Variants in MYOM1 observed in about 807,000 individuals in gnomAD.
The protein encoded by MYOM1 is myomesin 1, also known as myomesin-1.
MYOM1 carries 164 observed loss-of-function variants against 205.3 expected under a neutral mutation model. The observed-to-expected ratio is 0.80, with a 90% confidence interval of 0.70 to 0.91. The LOEUF (loss-of-function observed/expected upper bound fraction) is 0.91, where lower values mean the gene tolerates loss of function less well. Among genes scored for constraint, MYOM1 ranks in the 40% least tolerant of loss-of-function variants. The pLI is 0.00. For missense variants in MYOM1, 2,011 were observed against 2,127.3 expected (o/e 0.95, Z 1.08); for synonymous variants, 772 against 789.4 (o/e 0.98, Z 0.37).
intron 16 of MYOM1, among the ~76,000 whole-genome samples, chr18:3,132,646 T>A (rs1437533641): frequency 1.3e-5 from 2 of 152,142 alleles, no homozygotes; most frequent in Non-Finnish European, 2.9e-5. Flanking sequence ...TGGTGGCTCC[T>A]TGTCATAGAG....
intron 11 of MYOM1, 120 bp downstream of exon 11, chr18:3,154,827 A>C: frequency 9.3e-7 from 1 of 1,071,526 alleles, no homozygotes; most frequent in Middle Eastern, 2.1e-4. Context: ...AGATACAGAA[A>C]TAGAAAGAGG....
intron 14 of MYOM1, among the ~76,000 whole-genome samples, chr18:3,139,135 C>T (rs1490709131): frequency 6.6e-6 from 1 of 152,136 alleles, no homozygotes; most frequent in Non-Finnish European, 1.5e-5. Context: ...TAAAAATATA[C>T]AGGCATGATG....
the MYOM1 span, among the ~76,000 whole-genome samples, chr18:3,232,189 G>C: frequency 2.0e-5 from 3 of 151,878 alleles, no homozygotes; most frequent in Non-Finnish European, 4.4e-5. Flanking sequence ...AATTAGCGGG[G>C]TGTTGTGGCA....
intron 34 of MYOM1, among the ~76,000 whole-genome samples, chr18:3,077,187 T>A (rs73371155): frequency 0.036 from 5,422 of 151,562 alleles, 314 homozygotes; most frequent in African/African-American, 0.12. Context: ...TATTTTTACA[T>A]TTTTTTTATT....
Position 3,152,004 on chromosome 18 carries a change from C to A in MYOM1, c.1644-111G>T. 8.6e-7 allele frequency: 1 copy of A among 1,156,164 alleles called. No individual in the cohort carries two copies. Among genetic ancestry groups the A allele is most frequent in the Non-Finnish European group, 1.2e-6 (1 of 837,498 alleles). The allele number at this position is 1,156,164 out of a possible 1,614,324, so 71.6% of individuals were successfully genotyped here. A position where few individuals can be genotyped will look rare whatever the true frequency, so the allele number is the denominator to read the frequency against. Reference sequence around the variant, plus strand: ...TTCAGATCTTCTCCCTATAAAATATCCAAGTCAGGCGTGGCTCGCTACCTG... The same window carrying A: ...TTCAGATCTTCTCCCTATAAAATATACAAGTCAGGCGTGGCTCGCTACCTG... On this transcript the variant is annotated intron_variant, in intron 11 of 37. Transcript: ENST00000356443. This position sits in a 1 kb window ranked among gnomAD's most constrained non-coding sequence, Gnocchi z 4.3.
chr18:3,205,622 G>A (rs956898136), intron 2 of MYOM1, among the ~76,000 whole-genome samples: 2 of 152,162 alleles, frequency 1.3e-5, no homozygotes, highest in African/African-American at 2.4e-5. Context: ...TTGTGGGAAG[G>A]TAAAACAGTA....
intron 18 of MYOM1, among the ~76,000 whole-genome samples, chr18:3,127,863 T>TA (rs2079818161): frequency 1.3e-5 from 2 of 152,260 alleles, no homozygotes; most frequent in Admixed American, 1.3e-4. Context: ...GGTACAATAC[T>TA]ATACAGCTGT....
At chr18:3,105,128 C>A (rs1356169657) in intron 22 of MYOM1, among the ~76,000 whole-genome samples, 2 of 151,932 alleles carry the variant, frequency 1.3e-5, no homozygotes, top group Admixed American at 1.3e-4. Flanking sequence ...TAAAAAAAGA[C>A]AGGGAGGTAA....
At chr18:3,230,681 G>A in the MYOM1 span, among the ~76,000 whole-genome samples, 1 of 152,124 alleles carries the variant, frequency 6.6e-6, no homozygotes, top group Non-Finnish European at 1.5e-5. Flanking sequence ...TTTACCTAGG[G>A]TGTACACCAA....
chr18:3,187,496 C>T lies in MYOM1; in HGVS notation c.913G>A (p.Glu305Lys), dbSNP rs1215327909. Residue 305 changes from glutamate to lysine, a missense_variant, in exon 5 of 38, where the codon GAA (glutamate) becomes AAA (lysine). By Grantham distance (56) the Glu-to-Lys change is moderately conservative. Coordinates refer to ENST00000356443, the MANE Select transcript of MYOM1 (RefSeq NM_003803.4). Reference protein sequence around the residue: ...KLHCSIAGWPEPRVTWYKNQV... With the variant: ...KLHCSIAGWPKPRVTWYKNQV... ...ATAACATACCACGTGACACGAGGTTCTGGCCAGCCTGCTATGGAGCAATGC... is the reference window on the plus strand; with the variant it reads ...ATAACATACCACGTGACACGAGGTTTTGGCCAGCCTGCTATGGAGCAATGC... The T allele has an allele frequency of 6.2e-7, 1 of 1,613,676 alleles. No homozygotes were observed. The highest frequency in any genetic ancestry group is 1.1e-5 in the South Asian group (1 of 91,026).
chr18:3,083,329 C>T (rs562373913), intron 33 of MYOM1, among the ~76,000 whole-genome samples: 158 of 152,090 alleles, frequency 1.0e-3, no homozygotes, highest in Admixed American at 3.1e-3. Context: ...AGACTCCTTA[C>T]TTGAGAAGAA....
At chr18:3,161,022 G>T (rs1297870041) in intron 10 of MYOM1, among the ~76,000 whole-genome samples, 2 of 152,158 alleles carry the variant, frequency 1.3e-5, no homozygotes. Flanking sequence ...ATGTTCTCTG[G>T]CTCTAGTAAA....
chr18:3,159,472 C>T (rs2080349990), intron 10 of MYOM1, among the ~76,000 whole-genome samples: 1 of 152,088 alleles, frequency 6.6e-6, no homozygotes, highest in South Asian at 2.1e-4. Flanking sequence ...AAGTTAAACA[C>T]AAATTTACCA....
At position 3,173,924 on chromosome 18, in the gene MYOM1, G is replaced by A; in HGVS notation, c.1174+14C>T. 6.2e-7 allele frequency: 1 copy of A among 1,611,024 alleles called. No homozygotes were observed. Among genetic ancestry groups the A allele is most frequent in the Non-Finnish European group, 8.5e-7 (1 of 1,177,266 alleles). The stretch of plus-strand genomic sequence containing the variant: ...CATAGAGGTGACACTTAGTAAATGT[G>A]TTTTTAAACTTACAGCTGAGGGGCA... On this transcript the variant is annotated intron_variant, in intron 8 of 37. Transcript: ENST00000356443.
intron 8 of MYOM1, among the ~76,000 whole-genome samples, 177 bp from the exon 9 acceptor site, chr18:3,169,158 T>C (rs2080517497): frequency 6.6e-6 from 1 of 152,102 alleles, no homozygotes; most frequent in Non-Finnish European, 1.5e-5. Context: ...TATGCATATA[T>C]CATTTGTATG....
At chr18:3,233,351 A>C in the MYOM1 span, among the ~76,000 whole-genome samples, 3 of 152,196 alleles carry the variant, frequency 2.0e-5, no homozygotes, top group Non-Finnish European at 4.4e-5. Context: ...GATTTAACTG[A>C]GGTTTTACTA....
chr18:3,129,097 A>T, intron 18 of MYOM1, 135 bp downstream of exon 18: 2 of 1,162,978 alleles, frequency 1.7e-6, no homozygotes. Context: ...CACATTTCAG[A>T]TGGCTAGCTG....
At chr18:3,117,218 A>C (rs1486357904) in intron 20 of MYOM1, among the ~76,000 whole-genome samples, 1 of 152,180 alleles carries the variant, frequency 6.6e-6, no homozygotes, top group Non-Finnish European at 1.5e-5. Context: ...AAATAGTATA[A>C]AGAAAGCAGC....
intron 33 of MYOM1, among the ~76,000 whole-genome samples, chr18:3,079,869 G>T (rs1469301643): frequency 6.6e-6 from 1 of 152,132 alleles, no homozygotes; most frequent in Non-Finnish European, 1.5e-5. Flanking sequence ...AGCCAAGAGT[G>T]AATGAAAAGC....
Sources: allele counts gnomAD v4.1 joint callset (sites outside exome capture counted in the v4.1 genomes callset), GRCh38; gene constraint gnomAD v4.1.1; non-coding constraint Gnocchi (gnomAD v3.1); transcripts MANE v1.5; gene names NCBI Gene and HGNC (gene_info 2026-07-23, HGNC 2026-07-21).